Variants in UBQLN2 observed in about 807,000 individuals in gnomAD.
UBQLN2 encodes the protein ubiquilin-2.
Under a neutral mutation model 22.2 loss-of-function variants are expected in UBQLN2, and 2 were observed. The ratio of observed to expected loss-of-function variants is 0.09; its 90% CI spans 0.04 to 0.28. UBQLN2 has a LOEUF of 0.28. UBQLN2 is among the 10% of genes least tolerant of loss of function. UBQLN2 has a pLI of 1.00. For missense variants in UBQLN2, 446 were observed against 505.1 expected (o/e 0.88, Z 1.12); for synonymous variants, 252 against 206.7 (o/e 1.22, Z -1.88).
Position 56,563,798 on chromosome X carries a change from T to TTCCTTCC in UBQLN2, c.-68_-62dup. 1.2e-6 allele frequency: 1 copy of TTCCTTCC among 853,441 alleles called. No homozygotes were observed. The allele number at this position is 853,441 out of a possible 1,213,427, so 70.3% of individuals were successfully genotyped here. A position where few individuals can be genotyped will look rare whatever the true frequency, so the allele number is the denominator to read the frequency against. ...CCCAGCCCGCTGCGGCGGTGCCTCC[T>TTCCTTCC]TCCTTCCTCCTTCCCTCGCGCTCTC... On this transcript the variant is annotated 5_prime_UTR_variant, in exon 1 of 1. Coordinates refer to ENST00000338222, the MANE Select transcript of UBQLN2 (RefSeq NM_013444.4).
Position 56,563,808 on chromosome X carries a change from C to T in UBQLN2, c.-66C>T. The T allele has an allele frequency of 1.1e-6, 1 of 914,976 alleles. No homozygotes were observed. The highest frequency in any genetic ancestry group is 3.2e-5 in the East Asian group (1 of 31,505). The allele number at this position is 914,976 out of a possible 1,213,427, so 75.4% of individuals were successfully genotyped here. A position where few individuals can be genotyped will look rare whatever the true frequency, so the allele number is the denominator to read the frequency against. ...TGCGGCGGTGCCTCCTTCCTTCCTC[C>T]TTCCCTCGCGCTCTCTCTTTCGCCC... On this transcript the variant is annotated 5_prime_UTR_variant, in exon 1 of 1. Transcript: ENST00000338222.
rs1170619371 is a variant in UBQLN2, at chrX:56,565,046, C to T, written c.1173C>T (p.Tyr391=). ...QLIQNMLSAP[Y]MRSMMQSLSQ... ...TTCAGAATATGCTGTCGGCGCCCTA[C>T]ATGAGAAGCATGATGCAGTCGCTGA... Residue 391 remains tyrosine (Y), a synonymous_variant, in exon 1 of 1, where the codon TAC becomes TAT. Transcript: ENST00000338222. 5 of 1,211,758 alleles carry T rather than the reference C, an allele frequency of 4.1e-6. No homozygotes were observed. Among genetic ancestry groups the T allele is most frequent in the Non-Finnish European group, 5.6e-6 (5 of 895,317 alleles).
Position 56,563,767 on chromosome X carries a change from A to G in UBQLN2, c.-107A>G. The G allele has an allele frequency of 1.6e-6, 1 of 616,621 alleles. No individual in the cohort carries two copies. The highest frequency in any genetic ancestry group is 2.5e-6 in the Non-Finnish European group (1 of 401,026). The allele number at this position is 616,621 out of a possible 1,213,427, so 50.8% of individuals were successfully genotyped here. On this transcript the variant is annotated 5_prime_UTR_variant, in exon 1 of 1. Coordinates refer to ENST00000338222, the MANE Select transcript of UBQLN2 (RefSeq NM_013444.4). ...TACCGTGCTCCGCGCTCCCCGCCTG[A>G]CCCGGCCCAGCCCGCTGCGGCGGTG...
Position 56,565,667 on chromosome X carries a change from A to T in UBQLN2, c.1794A>T (p.Glu598Asp). The stretch of plus-strand genomic sequence containing the variant: ...ACGCAATGGGGTTCTTAAACCGTGA[A>T]GCAAACTTGCAGGCCCTAATAGCAA... ...QLNAMGFLNR[E>D]ANLQALIATG... Residue 598 changes from glutamate to aspartate, a missense_variant, in exon 1 of 1, where the codon GAA (glutamate) becomes GAT (aspartate). Physicochemically the swap from Glu to Asp is conservative, Grantham distance 45 (BLOSUM62 2). Coordinates refer to ENST00000338222, the MANE Select transcript of UBQLN2 (RefSeq NM_013444.4). The T allele has an allele frequency of 8.2e-7, 1 of 1,212,271 alleles. No homozygotes were observed. The highest frequency in any genetic ancestry group is 1.1e-6 in the Non-Finnish European group (1 of 895,578).
In UBQLN2 at chrX:56,563,858, C is replaced by T. The variant is rs749953484; in HGVS notation, c.-16C>T. ...CGCCCGCGCCTTCCCTGCCCGCCTG[C>T]GTCACCGCGGCCGCCATGGCTGAGA... On this transcript the variant is annotated 5_prime_UTR_variant, in exon 1 of 1. Coordinates refer to ENST00000338222, the MANE Select transcript of UBQLN2 (RefSeq NM_013444.4). The T allele has an allele frequency of 7.0e-6, 8 of 1,136,136 alleles. No individual in the cohort carries two copies. The highest frequency in any genetic ancestry group is 9.3e-6 in the Non-Finnish European group (8 of 857,622). 93.6% of individuals were successfully genotyped at this position (1,136,136 alleles called of 1,213,427 possible).
rs1569255038 is a variant in UBQLN2, at chrX:56,566,977, G to A, written c.*1229G>A. Reference sequence around the variant, plus strand: ...CTTTTCTTTTTGCCTTTTGGCCCTAGGATCGTGTTTAGGAGGATTATCCCA... The same window carrying A: ...CTTTTCTTTTTGCCTTTTGGCCCTAAGATCGTGTTTAGGAGGATTATCCCA... On this transcript the variant is annotated 3_prime_UTR_variant, in exon 1 of 1. Coordinates refer to ENST00000338222, the MANE Select transcript of UBQLN2 (RefSeq NM_013444.4). 1 of 122,206 alleles carries A rather than the reference G, an allele frequency of 8.2e-6. No individual in the cohort carries two copies. Among genetic ancestry groups the A allele is most frequent in the Non-Finnish European group, 1.9e-5 (1 of 52,821 alleles). The allele number at this position is 122,206 out of a possible 1,213,427, so 10.1% of individuals were successfully genotyped here.
In UBQLN2 at chrX:56,565,357, T is replaced by C. The variant is rs376877521; in HGVS notation, c.1484T>C (p.Val495Ala). 4 of 1,205,306 alleles carry C rather than the reference T, an allele frequency of 3.3e-6. No homozygotes were observed. The African/African-American group carries it at 7.0e-5, about 21-fold the overall frequency. ...LGTAIGPVGP[V>A]TPIGPIGPIV... ...ACCGCTATAGGCCCTGTAGGCCCAGTCACCCCCATAGGCCCCATAGGCCCT... is the reference window on the plus strand; with the variant it reads ...ACCGCTATAGGCCCTGTAGGCCCAGCCACCCCCATAGGCCCCATAGGCCCT... The change falls in exon 1 of 1, where the codon GTC (valine) becomes GCC (alanine). Residue 495 changes from valine to alanine, a missense_variant. By Grantham distance (64) the Val-to-Ala change is moderately conservative. Coordinates refer to ENST00000338222, the MANE Select transcript of UBQLN2 (RefSeq NM_013444.4).
chrX:56,564,479 G>T lies in UBQLN2; in HGVS notation c.606G>T (p.Arg202Ser). Residue 202 changes from arginine (R) to serine (S), a missense_variant, in exon 1 of 1, where the codon AGG (arginine) becomes AGT (serine). Around this residue, in one of 3 missense-constraint regions of UBQLN2, gnomAD observed 129 missense variants for 198.1 expected, o/e 0.65. Transcript: ENST00000338222. ...QSMLSNPDLM[R>S]QLIMANPQMQ... ...TGCTTTCGAATCCCGATCTGATGAG[G>T]CAGCTCATTATGGCTAATCCACAGA... 2 of 1,211,667 alleles carry T rather than the reference G, an allele frequency of 1.7e-6. No homozygotes were observed. The highest frequency in any genetic ancestry group is 2.2e-6 in the Non-Finnish European group (2 of 895,453).
Position 56,564,502 on chromosome X carries a change from A to T in UBQLN2, c.629A>T (p.Gln210Leu). The part of the protein sequence containing the change: ...LMRQLIMANP[Q>L]MQQLIQRNPE... ...AGGCAGCTCATTATGGCTAATCCACAGATGCAGCAATTGATTCAGAGAAAC... is the reference window on the plus strand; with the variant it reads ...AGGCAGCTCATTATGGCTAATCCACTGATGCAGCAATTGATTCAGAGAAAC... The change falls in exon 1 of 1, where the codon CAG becomes CTG. Residue 210 changes from glutamine (Q) to leucine (L), a missense_variant. By Grantham distance (113) the Gln-to-Leu change is moderately radical. This residue lies in a region of UBQLN2 where 129 missense variants were observed against 198.1 expected (regional missense o/e 0.65). Coordinates refer to ENST00000338222, the MANE Select transcript of UBQLN2 (RefSeq NM_013444.4). 1 of 1,211,965 alleles carries T rather than the reference A, an allele frequency of 8.3e-7. No homozygotes were observed. Among genetic ancestry groups the T allele is most frequent in the Non-Finnish European group, 1.1e-6 (1 of 895,553 alleles).
In UBQLN2 at chrX:56,567,167, A is replaced by G. The variant is rs1024780811; in HGVS notation, c.*1419A>G. ...GTTAACATATTTACCTTTTCCCCCAACATATGAAATGTCATACATGTATAT... is the reference window on the plus strand; with the variant it reads ...GTTAACATATTTACCTTTTCCCCCAGCATATGAAATGTCATACATGTATAT... On this transcript the variant is annotated 3_prime_UTR_variant, in exon 1 of 1. Coordinates refer to ENST00000338222, the MANE Select transcript of UBQLN2 (RefSeq NM_013444.4). 1 of 123,322 alleles carries G rather than the reference A, an allele frequency of 8.1e-6. No homozygotes were observed. The highest frequency in any genetic ancestry group is 1.9e-5 in the Non-Finnish European group (1 of 53,200). The allele number at this position is 123,322 out of a possible 1,213,427, so 10.2% of individuals were successfully genotyped here.
At position 56,564,200 on chromosome X, in the gene UBQLN2, G is replaced by C. The variant is rs746075271; in HGVS notation, c.327G>C (p.Gln109His). 83 of 1,209,500 alleles carry C rather than the reference G, an allele frequency of 6.9e-5. No individual in the cohort carries two copies. The highest frequency in any genetic ancestry group is 6.2e-4 in the South Asian group (35 of 56,786). Residue 109 changes from glutamine to histidine, a missense_variant, in exon 1 of 1, where the codon CAG becomes CAC. Coordinates refer to ENST00000338222, the MANE Select transcript of UBQLN2 (RefSeq NM_013444.4). The part of the protein sequence containing the change: ...HLVIKSQNRP[Q>H]GQSTQPSNAA... ...TCATCAAAAGCCAGAACCGACCTCA[G>C]GGCCAGTCCACGCAGCCTAGCAATG... is the stretch of plus-strand genomic sequence containing the variant.
chrX:56,565,373 C>T lies in UBQLN2; in HGVS notation c.1500C>T (p.Pro500=), dbSNP rs201052720. The T allele has an allele frequency of 2.5e-6, 3 of 1,203,511 alleles. No individual in the cohort carries two copies. The highest frequency in any genetic ancestry group is 4.4e-5 in the Admixed American group (2 of 45,091). ...TAGGCCCAGTCACCCCCATAGGCCC[C>T]ATAGGCCCTATAGTCCCTTTTACCC... ...GPVGPVTPIG[P]IGPIVPFTPI... The change falls in exon 1 of 1, where the codon CCC becomes CCT. Residue 500 remains proline (P), a synonymous_variant. Coordinates refer to ENST00000338222, the MANE Select transcript of UBQLN2 (RefSeq NM_013444.4).
rs766318368 is a variant in UBQLN2 at position 56,565,809 on chromosome X, T to C, written c.*61T>C. 9.9e-7 allele frequency: 1 copy of C among 1,008,639 alleles called. No individual in the cohort carries two copies. Among genetic ancestry groups the C allele is most frequent in the African/African-American group, 1.9e-5 (1 of 52,839 alleles). The allele number at this position is 1,008,639 out of a possible 1,213,427, so 83.1% of individuals were successfully genotyped here. A position where few individuals can be genotyped will look rare whatever the true frequency, so the allele number is the denominator to read the frequency against. ...TTTTTGATAATGGCTCTTAAATCTT[T>C]AAACACACACACAAAATCGTTCTTT... On this transcript the variant is annotated 3_prime_UTR_variant, in exon 1 of 1. Transcript: ENST00000338222.
Position 56,564,044 on chromosome X carries a change from T to G in UBQLN2, c.171T>G (p.Phe57Leu), listed in dbSNP as rs749897702. The change falls in exon 1 of 1, where the codon TTT becomes TTG. Residue 57 changes from phenylalanine (F) to leucine (L), a missense_variant. This residue lies in a region of UBQLN2 where 129 missense variants were observed against 198.1 expected (regional missense o/e 0.65). Coordinates refer to ENST00000338222, the MANE Select transcript of UBQLN2 (RefSeq NM_013444.4). ...CCGAGAACAGCTCGGTTCAGCAGTT[T>G]AAGGAAGCGATTTCGAAACGCTTCA... ...AVPENSSVQQ[F>L]KEAISKRFKS... 6 of 1,196,966 alleles carry G rather than the reference T, an allele frequency of 5.0e-6. No homozygotes were observed. The South Asian group carries it at 9.1e-5, about 18-fold the overall frequency.
Position 56,564,074 on chromosome X carries a change from C to T in UBQLN2, c.201C>T (p.Ser67=). 8.3e-7 allele frequency: 1 copy of T among 1,207,332 alleles called. No individual in the cohort carries two copies. Residue 67 remains serine, a synonymous_variant, in exon 1 of 1, where the codon TCC becomes TCT. Transcript: ENST00000338222. ...FKEAISKRFK[S]QTDQLVLIFA... is the part of the protein sequence containing the mutation. ...AAGCGATTTCGAAACGCTTCAAATCCCAAACCGATCAGCTAGTGCTGATTT... is the reference window on the plus strand; with the variant it reads ...AAGCGATTTCGAAACGCTTCAAATCTCAAACCGATCAGCTAGTGCTGATTT...
Position 56,566,069 on chromosome X carries a change from A to T in UBQLN2, c.*321A>T, listed in dbSNP as rs2068640993. The stretch of plus-strand genomic sequence containing the variant: ...GGGAATCAATGCTGTTTCACTCAAA[A>T]GTGTTGCATGCAAACACTTCTCTTT... On this transcript the variant is annotated 3_prime_UTR_variant, in exon 1 of 1. Transcript: ENST00000338222. 10 of 342,324 alleles carry T rather than the reference A, an allele frequency of 2.9e-5. No homozygotes were observed. The South Asian group carries it at 4.6e-4, about 16-fold the overall frequency. 28.2% of individuals were successfully genotyped at this position (342,324 alleles called of 1,213,427 possible).
At position 56,565,250 on chromosome X, in the gene UBQLN2, G is replaced by T. The variant is rs778539818; in HGVS notation, c.1377G>T (p.Gln459His). 2.5e-6 allele frequency: 3 copies of T among 1,210,810 alleles called. No homozygotes were observed. The change falls in exon 1 of 1, where the codon CAG (glutamine) becomes CAT (histidine). Residue 459 changes from glutamine (Q) to histidine (H), a missense_variant. Gln to His is a conservative substitution (Grantham distance 24). Coordinates refer to ENST00000338222, the MANE Select transcript of UBQLN2 (RefSeq NM_013444.4). ...PRAMQALMQI[Q>H]QGLQTLATEA... ...CAATGCAGGCTTTAATGCAGATCCAGCAGGGGCTACAGACATTAGCCACTG... is the reference window on the plus strand; with the variant it reads ...CAATGCAGGCTTTAATGCAGATCCATCAGGGGCTACAGACATTAGCCACTG...
In UBQLN2 at chrX:56,563,975, A is replaced by G; in HGVS notation, c.102A>G (p.Lys34=). The part of the protein sequence containing the change: ...AAAPAEPKII[K]VTVKTPKEKE... ...CCCCGGCTGAGCCTAAAATCATCAA[A>G]GTCACGGTGAAGACTCCCAAAGAGA... is the stretch of plus-strand genomic sequence containing the variant. Residue 34 remains lysine (K), a synonymous_variant, in exon 1 of 1, where the codon AAA becomes AAG. Transcript: ENST00000338222. 8.6e-7 allele frequency: 1 copy of G among 1,168,108 alleles called. No homozygotes were observed. Among genetic ancestry groups the G allele is most frequent in the Non-Finnish European group, 1.1e-6 (1 of 872,552 alleles).
rs1263423803 is a variant in UBQLN2, at chrX:56,563,815, C to T, written c.-59C>T. ...GTGCCTCCTTCCTTCCTCCTTCCCT[C>T]GCGCTCTCTCTTTCGCCCGCCCGCG... On this transcript the variant is annotated 5_prime_UTR_variant, in exon 1 of 1. Coordinates refer to ENST00000338222, the MANE Select transcript of UBQLN2 (RefSeq NM_013444.4). The T allele has an allele frequency of 1.9e-5, 18 of 943,882 alleles. No individual in the cohort carries two copies. The Admixed American group carries it at 5.0e-4, about 26-fold the overall frequency. The allele number at this position is 943,882 out of a possible 1,213,427, so 77.8% of individuals were successfully genotyped here.
Sources: allele counts gnomAD v4.1 joint callset, GRCh38; gene constraint gnomAD v4.1.1; regional missense constraint gnomAD v4.1.1; transcripts MANE v1.5; gene names NCBI Gene and HGNC (gene_info 2026-07-23, HGNC 2026-07-21).